The following ADGRV1 variants were observed in gnomAD, a reference collection of about 807,000 sequenced individuals.
The protein encoded by ADGRV1 is G-protein coupled receptor 98.
Under a neutral mutation model 596.2 loss-of-function variants are expected in ADGRV1, and 359 were observed. The observed-to-expected ratio is 0.60, with a 90% CI of 0.55 to 0.66. The LOEUF (loss-of-function observed/expected upper bound fraction) is 0.66, where lower values mean the gene tolerates loss of function less well. Among genes scored for constraint, ADGRV1 ranks in the 30% least tolerant of loss-of-function variants. ADGRV1 has a pLI of 0.00. For synonymous variants in ADGRV1, 2,681 were observed against 2,679.2 expected, an observed-to-expected ratio of 1.00 and a Z score of -0.02; for missense variants, 7,274 against 7,575.6, an observed-to-expected ratio of 0.96 and a Z score of 1.48.
At chr5:91,148,205 C>T (rs1018047048) in intron 87 of ADGRV1, among the ~76,000 whole-genome samples, 1 of 152,178 alleles carries the variant, frequency 6.6e-6, no homozygotes, top group African/African-American at 2.4e-5. Context: ...GAAATTTGAG[C>T]TGGCTGCAGA....
intron 33 of ADGRV1, among the ~76,000 whole-genome samples, chr5:90,695,572 C>A (rs977906): frequency 0.74 from 112,659 of 151,966 alleles, 42,904 homozygotes; most frequent in African/African-American, 0.92. Flanking sequence ...AACTTTGTTC[C>A]TAATTCTATA....
chr5:90,558,888 G>T lies in ADGRV1; in HGVS notation c.-8G>T, dbSNP rs1754410917. The T allele has an allele frequency of 1.9e-6, 3 of 1,559,626 alleles. No homozygotes were observed. The African/African-American group carries it at 4.1e-5, about 21-fold the overall frequency. On this transcript the variant is annotated 5_prime_UTR_variant, in exon 1 of 90. Transcript: ENST00000405460. ...GGAGGGCCGGCGGGGACCGCCGGGAGCGCGCGGATGTCGGTGTTCCTGGGG... is the reference window on the plus strand; with the variant it reads ...GGAGGGCCGGCGGGGACCGCCGGGATCGCGCGGATGTCGGTGTTCCTGGGG...
At chr5:90,635,405 A>G in intron 10 of ADGRV1, 115 bp downstream of exon 10, 1 of 876,954 alleles carries the variant, frequency 1.1e-6, no homozygotes, top group Non-Finnish European at 1.7e-6. Flanking sequence ...TTCAGCATGT[A>G]CAAGAAGCCT....
intron 82 of ADGRV1, among the ~76,000 whole-genome samples, chr5:90,859,538 G>A (rs183848279): frequency 1.2e-3 from 188 of 152,054 alleles, no homozygotes; most frequent in African/African-American, 3.9e-3. Context: ...GCTCAAGCGA[G>A]TCTCCTGCCT....
At chr5:90,756,926 C>A in intron 56 of ADGRV1, 53 bp from the exon 57 acceptor site, 1 of 1,357,498 alleles carries the variant, frequency 7.4e-7, no homozygotes, top group Non-Finnish European at 1.0e-6. Context: ...AGAAAGATGA[C>A]TTATGAGAGT....
At position 90,840,611 on chromosome 5, in the gene ADGRV1, A is replaced by G. The variant is rs751298927; in HGVS notation, c.16645A>G (p.Ile5549Val). 1 of 1,612,536 alleles carries G rather than the reference A, an allele frequency of 6.2e-7. No individual in the cohort carries two copies. Among genetic ancestry groups the G allele is most frequent in the South Asian group, 1.1e-5 (1 of 90,980 alleles). The change falls in exon 78 of 90, where the codon ATC (isoleucine) becomes GTC (valine). Residue 5549 changes from isoleucine (I) to valine (V), a missense_variant. Around this residue, in one of 5 missense-constraint regions of ADGRV1, gnomAD observed 1,874 missense variants for 1,970.2 expected, o/e 0.95. Coordinates refer to ENST00000405460, the MANE Select transcript of ADGRV1 (RefSeq NM_032119.4). ...LRSAETIGRT[I>V]ISPAISGKDF... ...GAGTGCTGAAACAATTGGTCGTACC[A>G]TCATATCTCCAGCTATTTCTGGAAA...
intron 53 of ADGRV1, among the ~76,000 whole-genome samples, chr5:90,752,364 A>G (rs1026264837): frequency 6.6e-6 from 1 of 152,270 alleles, no homozygotes; most frequent in East Asian, 1.9e-4. Flanking sequence ...AACTGGTGTC[A>G]TGGGGTTTTG....
chr5:91,069,726 A>T (rs1581960043), intron 85 of ADGRV1, among the ~76,000 whole-genome samples: 2 of 152,126 alleles, frequency 1.3e-5, no homozygotes, highest in African/African-American at 4.8e-5. Context: ...CTTAGAACAC[A>T]GCTCTTTGTC....
chr5:90,685,458 G>A (rs1183994065), intron 28 of ADGRV1, among the ~76,000 whole-genome samples: 1 of 151,944 alleles, frequency 6.6e-6, no homozygotes, highest in East Asian at 1.9e-4. Flanking sequence ...GGCAGCACGT[G>A]CCTGTAGTCC....
chr5:90,690,843 A>G lies in ADGRV1; in HGVS notation c.6753A>G (p.Ser2251=). ...TTGTAGAGGAACCTGAGTTTAACTCAGTGAAGGTAAACCTGCCAATAATTC... is the reference window on the plus strand; with the variant it reads ...TTGTAGAGGAACCTGAGTTTAACTCGGTGAAGGTAAACCTGCCAATAATTC... The part of the protein sequence containing the change: ...KLIVEEPEFN[S]VKVNLPIIRN... Residue 2251 remains serine, a synonymous_variant, in exon 31 of 90, where the codon TCA becomes TCG. Transcript: ENST00000405460. The G allele has an allele frequency of 2.5e-6, 4 of 1,605,352 alleles. No homozygotes were observed. Among genetic ancestry groups the G allele is most frequent in the Non-Finnish European group, 3.4e-6 (4 of 1,175,206 alleles).
chr5:90,670,264 C>T (rs551572517), intron 21 of ADGRV1, among the ~76,000 whole-genome samples: 5 of 152,308 alleles, frequency 3.3e-5, no homozygotes, highest in Admixed American at 6.5e-5. Context: ...TATGTTGCTA[C>T]TTGCTGTAAG....
At chr5:90,805,505 A>T (rs376762450) in intron 72 of ADGRV1, 47 bp downstream of exon 72, 1 of 1,432,820 alleles carries the variant, frequency 7.0e-7, no homozygotes, top group Non-Finnish European at 9.5e-7. Flanking sequence ...TATTGGAAGG[A>T]TATCACTGGC....
intron 1 of ADGRV1, among the ~76,000 whole-genome samples, chr5:90,609,142 A>G (rs1015021497): frequency 6.6e-6 from 1 of 152,052 alleles, no homozygotes; most frequent in Non-Finnish European, 1.5e-5. Context: ...ATATGTACAC[A>G]CATAAACAAT....
chr5:90,783,826 CT>C lies in ADGRV1; in HGVS notation c.13434-10del. The C allele has an allele frequency of 1.3e-6, 2 of 1,584,618 alleles. No homozygotes were observed. Among genetic ancestry groups the C allele is most frequent in the East Asian group, 4.5e-5 (2 of 44,274 alleles). On this transcript the variant is annotated splice_polypyrimidine_tract_variant and intron_variant, in intron 66 of 89. Transcript: ENST00000405460. The stretch of plus-strand genomic sequence containing the variant: ...GTTTAGACTCACAGAATTGCTCCTT[CT>C]TGCCATGCAGTGAATTTGAGGAGCC...
At chr5:90,701,209 G>GTA (rs1245024553) in intron 34 of ADGRV1, among the ~76,000 whole-genome samples, 2 of 152,058 alleles carry the variant, frequency 1.3e-5, no homozygotes, top group Non-Finnish European at 2.9e-5. Flanking sequence ...TTAGTACCTA[G>GTA]TAAAGTCTTT....
intron 86 of ADGRV1, among the ~76,000 whole-genome samples, chr5:91,086,459 G>A (rs924214869): frequency 6.6e-6 from 1 of 151,898 alleles, no homozygotes; most frequent in Non-Finnish European, 1.5e-5. Flanking sequence ...TAAAAGCTAG[G>A]GTAATTTCTT....
intron 70 of ADGRV1, among the ~76,000 whole-genome samples, chr5:90,799,292 CAGAG>C (rs1186809878): frequency 2.6e-5 from 4 of 152,146 alleles, no homozygotes; most frequent in African/African-American, 7.2e-5. Context: ...AACAAACAAA[CAGAG>C]AGCCAGATCA....
intron 1 of ADGRV1, among the ~76,000 whole-genome samples, chr5:90,605,029 G>T (rs1761903143): frequency 6.6e-6 from 1 of 152,118 alleles, no homozygotes; most frequent in African/African-American, 2.4e-5. Context: ...AGCTCGAATG[G>T]CTTTTGTGAT....
chr5:90,984,581 A>G (rs1338362029), intron 84 of ADGRV1, among the ~76,000 whole-genome samples: 1 of 152,226 alleles, frequency 6.6e-6, no homozygotes, highest in African/African-American at 2.4e-5. Flanking sequence ...AATATAATAT[A>G]AAAGAAATAT....
Sources: allele counts gnomAD v4.1 joint callset (sites outside exome capture counted in the v4.1 genomes callset), GRCh38; gene constraint gnomAD v4.1.1; regional missense constraint gnomAD v4.1.1; transcripts MANE v1.5; gene names NCBI Gene and HGNC (gene_info 2026-07-23, HGNC 2026-07-21).